The following SMAD3 variants were observed in gnomAD, a reference collection of about 807,000 sequenced individuals.
SMAD3 encodes the protein SMAD family member 3, also known as MAD homolog 3.
In SMAD3, 12 loss-of-function variants were observed where a neutral mutation model predicts 51.8. The ratio of observed to expected loss-of-function variants is 0.23; its 90% CI spans 0.15 to 0.38. The LOEUF is 0.38. Ranked by LOEUF, SMAD3 falls within the 10% of genes least tolerant of loss-of-function variation. The probability of loss-of-function intolerance (pLI) is 1.00; values close to 1 mark genes in which losing one functional copy is unlikely to be tolerated. For synonymous variants in SMAD3, 238 were observed against 227.7 expected, an observed-to-expected ratio of 1.05 and a Z score of -0.41; for missense variants, 294 against 565.6, an observed-to-expected ratio of 0.52 and a Z score of 4.87.
At chr15:67,186,800 T>G (rs1253504423) in intron 7 of SMAD3, 1 of 320,464 alleles carries the variant, frequency 3.1e-6, no homozygotes, top group Non-Finnish European at 6.2e-6. Flanking sequence ...ACCAGGTGTA[T>G]TCATCAGAGG....
chr15:67,095,657 G>A (rs1595895856), intron 1 of SMAD3, among the ~76,000 whole-genome samples: 2 of 151,872 alleles, frequency 1.3e-5, no homozygotes, highest in Admixed American at 6.6e-5. Context: ...TCAGCCTCCC[G>A]AGTAGCTGGG....
intron 1 of SMAD3, among the ~76,000 whole-genome samples, chr15:67,134,564 G>A (rs1961606776): frequency 6.6e-6 from 1 of 152,164 alleles, no homozygotes; most frequent in Non-Finnish European, 1.5e-5. Context: ...AGGGCTTACA[G>A]CGACCCTACC....
At chr15:67,084,274 G>T (rs1960343507) in intron 1 of SMAD3, among the ~76,000 whole-genome samples, 1 of 151,166 alleles carries the variant, frequency 6.6e-6, no homozygotes, top group Admixed American at 6.6e-5. Context: ...GTAGAGACGG[G>T]GTTTCTTTGT....
At chr15:67,178,480 T>C (rs1196870156) in intron 5 of SMAD3, among the ~76,000 whole-genome samples, 1 of 152,036 alleles carries the variant, frequency 6.6e-6, no homozygotes, top group Admixed American at 6.6e-5. Context: ...ATGATCTAGG[T>C]GGTCAGCTTT....
At chr15:67,158,139 A>G (rs1407187344) in intron 1 of SMAD3, among the ~76,000 whole-genome samples, 1 of 152,174 alleles carries the variant, frequency 6.6e-6, no homozygotes, top group Non-Finnish European at 1.5e-5. Context: ...AACCAAGTAT[A>G]TTTATGGTAA....
chr15:67,171,533 T>C (rs1429165019), intron 5 of SMAD3, among the ~76,000 whole-genome samples: 1 of 152,220 alleles, frequency 6.6e-6, no homozygotes, highest in Non-Finnish European at 1.5e-5. Context: ...GTTTGGAACT[T>C]TATTGCTGAG....
At chr15:67,170,076 G>A (rs1334931907) in intron 4 of SMAD3, among the ~76,000 whole-genome samples, 2 of 152,182 alleles carry the variant, frequency 1.3e-5, no homozygotes, top group Non-Finnish European at 2.9e-5. Flanking sequence ...TCGGTGGCTG[G>A]TGATGCTGGG....
chr15:67,164,900 T>G lies in SMAD3; in HGVS notation c.212T>G (p.Leu71Arg), dbSNP rs1262859970. 1 of 1,612,924 alleles carries G rather than the reference T, an allele frequency of 6.2e-7. No homozygotes were observed. Among genetic ancestry groups the G allele is most frequent in the South Asian group, 1.1e-5 (1 of 91,018 alleles). The stretch of plus-strand genomic sequence containing the variant: ...GCCCCTCCCCGTCCTGGCAGGTCCC[T>G]GGATGGCCGGTTGCAGGTGTCCCAT... ...NTKCITIPRSLDGRLQVSHRK... is the reference protein window; with the variant it reads ...NTKCITIPRSRDGRLQVSHRK... The change falls in exon 2 of 9, where the codon CTG (leucine) becomes CGG (arginine). Residue 71 changes from leucine to arginine, a missense_variant. By Grantham distance (102) the Leu-to-Arg change is moderately radical (BLOSUM62 -2). Around this residue, in one of 3 missense-constraint regions of SMAD3, gnomAD observed 147 missense variants for 260.9 expected, o/e 0.56. Coordinates refer to ENST00000327367, the MANE Select transcript of SMAD3 (RefSeq NM_005902.4).
chr15:67,076,952 C>G (rs753824170), intron 1 of SMAD3, among the ~76,000 whole-genome samples: 1 of 152,152 alleles, frequency 6.6e-6, no homozygotes, highest in African/African-American at 2.4e-5. Flanking sequence ...GGGGACTCTA[C>G]TTGGGTGTGC....
chr15:67,143,041 T>G (rs959295890), intron 1 of SMAD3: 1 of 214,722 alleles, frequency 4.7e-6, no homozygotes, highest in Non-Finnish European at 1.0e-5. Flanking sequence ...CCTGTGATTC[T>G]CTAATGCCAG....
At chr15:67,101,151 G>A (rs916160025) in intron 1 of SMAD3, among the ~76,000 whole-genome samples, 2 of 152,176 alleles carry the variant, frequency 1.3e-5, no homozygotes, top group Non-Finnish European at 2.9e-5. Context: ...ACTCGCTTTG[G>A]GCAGTTAGCG....
intron 1 of SMAD3, among the ~76,000 whole-genome samples, chr15:67,094,591 A>G (rs1960576433): frequency 1.3e-5 from 2 of 152,088 alleles, no homozygotes; most frequent in Non-Finnish European, 1.5e-5. Flanking sequence ...TGAGCTTTTC[A>G]CTCCATAAAT....
At chr15:67,072,893 C>A (rs1003065841) in intron 1 of SMAD3, among the ~76,000 whole-genome samples, 4 of 150,312 alleles carry the variant, frequency 2.7e-5, no homozygotes, top group African/African-American at 9.7e-5. Context: ...GCTTTAGAAC[C>A]GAGACAATTC....
At position 67,193,564 on chromosome 15, in the gene SMAD3, G is replaced by A. The variant is rs1963420661; in HGVS notation, c.*3028G>A. ...ATCTCAGTTGGCCACCTTCCTGGCA[G>A]GCTGTAGACCTGACATTTTGAGACA... On this transcript the variant is annotated 3_prime_UTR_variant, in exon 9 of 9. Transcript: ENST00000327367. 1 of 229,864 alleles carries A rather than the reference G, an allele frequency of 4.4e-6. No individual in the cohort carries two copies. The highest frequency in any genetic ancestry group is 8.5e-6 in the Non-Finnish European group (1 of 117,316). The allele number at this position is 229,864 out of a possible 1,614,324, so 14.2% of individuals were successfully genotyped here.
At chr15:67,066,508 C>A (rs551489836) in intron 1 of SMAD3, 148 bp downstream of exon 1, 2 of 686,028 alleles carry the variant, frequency 2.9e-6, no homozygotes, top group Non-Finnish European at 4.9e-6. Context: ...AGTGGGAGAG[C>A]GCGGGCAGGA....
chr15:67,097,508 G>A (rs1960640299), intron 1 of SMAD3, among the ~76,000 whole-genome samples: 1 of 152,084 alleles, frequency 6.6e-6, no homozygotes, highest in South Asian at 2.1e-4. Flanking sequence ...GCCTCCCAAA[G>A]TGCCGGGATT....
At chr15:67,102,514 G>T (rs542146201) in intron 1 of SMAD3, among the ~76,000 whole-genome samples, 2 of 152,140 alleles carry the variant, frequency 1.3e-5, no homozygotes, top group Non-Finnish European at 2.9e-5. Flanking sequence ...ATTTGTGAGT[G>T]TTCATATCTG....
chr15:67,145,115 G>T (rs1403892931), intron 1 of SMAD3, among the ~76,000 whole-genome samples: 3 of 152,198 alleles, frequency 2.0e-5, no homozygotes, highest in Non-Finnish European at 4.4e-5. Context: ...TCTCCTGAAA[G>T]AAGTCTTCTT....
At chr15:67,099,161 G>A in intron 1 of SMAD3, 1 of 631,032 alleles carries the variant, frequency 1.6e-6, no homozygotes, top group Non-Finnish European at 2.9e-6. Flanking sequence ...CTTGTTCACA[G>A]TCACAGGGCT....
Sources: gnomAD v4.1 joint callset for allele counts (sites outside exome capture counted in the v4.1 genomes callset) on GRCh38, gnomAD v4.1.1 for gene constraint, gnomAD v4.1.1 regional missense constraint, MANE v1.5 for transcripts, NCBI Gene and HGNC (gene_info 2026-07-23, HGNC 2026-07-21) for gene names.